Variants in SNX16 observed in about 807,000 individuals in gnomAD.
SNX16 encodes the protein sorting nexin-16.
A neutral mutation model predicts 36.7 loss-of-function variants in SNX16; 35 were observed. The observed-to-expected ratio is 0.95, with a 90% confidence interval of 0.73 to 1.27. The LOEUF is 1.27. SNX16 is among the 50% of genes most tolerant of loss of function. The pLI is 0.00. For synonymous variants in SNX16, 134 were observed against 132.0 expected (o/e 1.02, Z -0.10); for missense variants, 367 against 393.6 (o/e 0.93, Z 0.57).
intron 4 of SNX16, among the ~76,000 whole-genome samples, chr8:81,822,142 AC>A (rs1446201002): frequency 2.6e-5 from 4 of 152,066 alleles, no homozygotes; most frequent in Admixed American, 1.3e-4. Flanking sequence ...GTGATAGAGA[AC>A]TGACCTAGTG....
At chr8:81,830,119 A>G (rs566211078) in intron 2 of SNX16, among the ~76,000 whole-genome samples, 60 of 152,330 alleles carry the variant, frequency 3.9e-4, no homozygotes, top group Non-Finnish European at 4.6e-4. Flanking sequence ...ATGTTTAAAA[A>G]TGAATAGTAT....
intron 5 of SNX16, among the ~76,000 whole-genome samples, chr8:81,813,637 G>A (rs1469093803): frequency 6.6e-6 from 1 of 151,840 alleles, no homozygotes; most frequent in Non-Finnish European, 1.5e-5. Context: ...TTAAGAGGAT[G>A]AAAAGACACC....
chr8:81,806,408 A>C (rs1012517548), intron 5 of SNX16, among the ~76,000 whole-genome samples: 11 of 152,324 alleles, frequency 7.2e-5, no homozygotes, highest in East Asian at 5.8e-4. Context: ...ATTAAAAAAA[A>C]CCCATATGAT....
intron 2 of SNX16, among the ~76,000 whole-genome samples, chr8:81,831,967 C>G (rs1184240781): frequency 6.6e-6 from 1 of 152,154 alleles, no homozygotes; most frequent in East Asian, 1.9e-4. Context: ...GCTGGTAGAA[C>G]TGTAACTTAA....
At chr8:81,828,994 G>T (rs184000861) in intron 3 of SNX16, among the ~76,000 whole-genome samples, 3 of 152,282 alleles carry the variant, frequency 2.0e-5, no homozygotes, top group Non-Finnish European at 4.4e-5. Context: ...CCAGCTAACA[G>T]CTTGATTTTG....
Position 81,811,918 on chromosome 8 carries a change from TTAA to T in SNX16, c.681+3404_681+3406del, listed in dbSNP as rs201880693. Among the ~76,000 whole-genome samples, 605 of 152,164 alleles carry T rather than the reference TTAA, an allele frequency of 4.0e-3. 1 individual carries two copies. Among genetic ancestry groups the T allele is most frequent in the Non-Finnish European group, 6.0e-3 (410 of 67,990 alleles). On this transcript the variant is annotated intron_variant, in intron 5 of 7. Transcript: ENST00000345957. ...ATGAAATAAACTAGAAAAAATTGAA[TTAA>T]TGATAAGGATAATGATAATGAGTCA... is the stretch of plus-strand genomic sequence containing the variant.
At chr8:81,840,115 T>C (rs1811678709) in intron 1 of SNX16, 33 bp from the exon 2 acceptor site, 1 of 1,045,688 alleles carries the variant, frequency 9.6e-7, no homozygotes, top group East Asian at 2.4e-5. Flanking sequence ...AAAAGGTTAG[T>C]CTTTAATGTG....
At chr8:81,803,052 T>G in intron 6 of SNX16, 40 bp downstream of exon 6, 1 of 1,539,488 alleles carries the variant, frequency 6.5e-7, no homozygotes, top group Non-Finnish European at 8.7e-7. Flanking sequence ...GTATTAAGGG[T>G]TGAATTAGTC....
intron 3 of SNX16, among the ~76,000 whole-genome samples, chr8:81,825,168 A>G (rs1018522279): frequency 1.3e-5 from 2 of 152,178 alleles, no homozygotes; most frequent in African/African-American, 2.4e-5. Context: ...AAGACCATCC[A>G]GGTTCAAGGG....
At chr8:81,806,592 A>G (rs1009405489) in intron 5 of SNX16, among the ~76,000 whole-genome samples, 1 of 152,196 alleles carries the variant, frequency 6.6e-6, no homozygotes, top group African/African-American at 2.4e-5. Context: ...ACAGCAAAAT[A>G]CAGGATCATT....
At position 81,815,391 on chromosome 8, in the gene SNX16, A is replaced by G. The variant is rs1810434912; in HGVS notation, c.615T>C (p.Leu205=). ...LVAHKDIANC[L]AVREFLCLDD... ...CCAAACAAAGAAATTCTCTCACTGCAAGGCTTTTCAAAGGAAAAAAAAAAT... is the reference window on the plus strand; with the variant it reads ...CCAAACAAAGAAATTCTCTCACTGCGAGGCTTTTCAAAGGAAAAAAAAAAT... The change falls in exon 5 of 8, where the codon CTT becomes CTC. Residue 205 remains leucine, a synonymous_variant. Transcript: ENST00000345957. 6 of 1,610,228 alleles carry G rather than the reference A, an allele frequency of 3.7e-6. No individual in the cohort carries two copies. The highest frequency in any genetic ancestry group is 5.1e-6 in the Non-Finnish European group (6 of 1,178,458).
chr8:81,802,616 T>C (rs1413399070), intron 6 of SNX16, 117 bp from the exon 7 acceptor site: 9 of 726,302 alleles, frequency 1.2e-5, no homozygotes, highest in East Asian at 6.2e-5. Flanking sequence ...TGTAGTTACA[T>C]AGCTAATAAA....
At chr8:81,833,765 T>A (rs1811371676) in intron 2 of SNX16, among the ~76,000 whole-genome samples, 1 of 152,224 alleles carries the variant, frequency 6.6e-6, no homozygotes, top group African/African-American at 2.4e-5. Flanking sequence ...TTGTGTTCTA[T>A]CTCTTCTAGA....
At chr8:81,832,491 T>C (rs1483385519) in intron 2 of SNX16, among the ~76,000 whole-genome samples, 2 of 152,140 alleles carry the variant, frequency 1.3e-5, no homozygotes. Flanking sequence ...GGTTCATTAG[T>C]ATCCCGCAAT....
At chr8:81,814,208 A>T (rs911756649) in intron 5 of SNX16, among the ~76,000 whole-genome samples, 3 of 152,074 alleles carry the variant, frequency 2.0e-5, no homozygotes, top group Non-Finnish European at 2.9e-5. Context: ...AAAATGTGGT[A>T]TATGCAAACA....
intron 1 of SNX16, chr8:81,841,878 CG>C (rs1390265393): frequency 6.6e-6 from 1 of 152,166 alleles, no homozygotes; most frequent in Non-Finnish European, 1.5e-5. Context: ...GCACTGCAGG[CG>C]GCGAGACCCG....
intron 4 of SNX16, among the ~76,000 whole-genome samples, chr8:81,820,011 AATATGAATGT>A (rs1810662030): frequency 6.6e-6 from 1 of 152,110 alleles, no homozygotes; most frequent in Non-Finnish European, 1.5e-5. Flanking sequence ...ATAAACAATT[AATATGAATGT>A]ATAAACAATA....
At chr8:81,815,590 A>G (rs1810445383) in intron 4 of SNX16, 196 bp from the exon 5 acceptor site, 1 of 441,726 alleles carries the variant, frequency 2.3e-6, no homozygotes, top group Admixed American at 3.4e-5. Context: ...TAGAACATAA[A>G]TATCACAAAT....
chr8:81,827,489 A>G (rs1252930012), intron 3 of SNX16, among the ~76,000 whole-genome samples: 1 of 152,188 alleles, frequency 6.6e-6, no homozygotes, highest in Non-Finnish European at 1.5e-5. Flanking sequence ...AATTAACAGA[A>G]GTACAGAATT....
Sources: allele counts gnomAD v4.1 joint callset (sites outside exome capture counted in the v4.1 genomes callset), GRCh38; gene constraint gnomAD v4.1.1; transcripts MANE v1.5; gene names NCBI Gene and HGNC (gene_info 2026-07-23, HGNC 2026-07-21).